The following NFIB variants were observed in gnomAD, a reference collection of about 807,000 sequenced individuals.
NFIB encodes nuclear factor I B.
In NFIB, 11 loss-of-function variants were observed where a neutral mutation model predicts 61.5. The observed-to-expected ratio is 0.18, with a 90% CI of 0.11 to 0.30. The LOEUF is 0.30. NFIB is among the 10% of genes least tolerant of loss of function. The pLI, the probability that NFIB is intolerant of heterozygous loss-of-function variation, is 1.00. For missense variants in NFIB, 471 were observed against 608.9 expected (o/e 0.77, Z 2.38); for synonymous variants, 260 against 216.5 (o/e 1.20, Z -1.76).
At chr9:14,116,962 C>G (rs559002374) in intron 8 of NFIB, among the ~76,000 whole-genome samples, 1 of 152,282 alleles carries the variant, frequency 6.6e-6, no homozygotes, top group East Asian at 1.9e-4. Context: ...ATTCCGAGAT[C>G]TATGGTCAAC....
At chr9:14,341,149 A>T (rs1395988394) in intron 1 of NFIB, among the ~76,000 whole-genome samples, 1 of 152,176 alleles carries the variant, frequency 6.6e-6, no homozygotes, top group African/African-American at 2.4e-5. Context: ...AGAATCTGCT[A>T]GTCTTCTGGC....
At chr9:14,331,888 A>G (rs1294895189) in intron 1 of NFIB, among the ~76,000 whole-genome samples, 2 of 152,200 alleles carry the variant, frequency 1.3e-5, no homozygotes, top group South Asian at 2.1e-4. Context: ...CTGAATCTAT[A>G]TATCGATTAT....
chr9:14,381,576 T>C (rs1588398949), intron 1 of NFIB, among the ~76,000 whole-genome samples: 1 of 152,360 alleles, frequency 6.6e-6, no homozygotes, highest in African/African-American at 2.4e-5. Flanking sequence ...AAGGAAGTCA[T>C]AGACATACAT....
intron 2 of NFIB, among the ~76,000 whole-genome samples, chr9:14,279,744 A>G (rs1035718044): frequency 3.3e-5 from 5 of 152,158 alleles, no homozygotes; most frequent in African/African-American, 1.2e-4. Flanking sequence ...CTTATTATGA[A>G]CTGGTTGAAG....
chr9:14,180,436 G>A (rs1201142581), intron 2 of NFIB, among the ~76,000 whole-genome samples: 1 of 152,214 alleles, frequency 6.6e-6, no homozygotes, highest in Non-Finnish European at 1.5e-5. Flanking sequence ...CAGATGGACA[G>A]ACTTTGCAGG....
chr9:14,328,475 A>T (rs987997719), intron 1 of NFIB, among the ~76,000 whole-genome samples: 12 of 151,956 alleles, frequency 7.9e-5, no homozygotes, highest in Non-Finnish European at 1.3e-4. Flanking sequence ...ATATATATAT[A>T]TTTTAACCAT....
intron 1 of NFIB, among the ~76,000 whole-genome samples, chr9:14,321,234 C>A (rs1226533588): frequency 6.6e-6 from 1 of 151,592 alleles, no homozygotes; most frequent in East Asian, 1.9e-4. Context: ...GATAGAGACA[C>A]ACATAGGAAG....
intron 2 of NFIB, among the ~76,000 whole-genome samples, chr9:14,253,226 C>A (rs1262880524): frequency 6.6e-6 from 1 of 152,158 alleles, no homozygotes; most frequent in Non-Finnish European, 1.5e-5. Flanking sequence ...TTATTTCCTT[C>A]TCAGATGCAT....
the NFIB span, among the ~76,000 whole-genome samples, chr9:14,460,253 C>T: frequency 6.6e-6 from 1 of 151,838 alleles, no homozygotes; most frequent in Non-Finnish European, 1.5e-5. Flanking sequence ...TGATTCTCAG[C>T]AAACTATAGC....
At chr9:14,138,015 A>T (rs990500359) in intron 6 of NFIB, among the ~76,000 whole-genome samples, 12 of 152,110 alleles carry the variant, frequency 7.9e-5, no homozygotes, top group African/African-American at 2.7e-4. Flanking sequence ...TATCTCAATG[A>T]CTTATTTGGG....
At position 14,261,316 on chromosome 9, in the gene NFIB, C is replaced by A. The variant is rs12002734; in HGVS notation, c.562+45673G>T. ...TGGGCAATAGAGCAGGACTCCGTCT[C>A]AAAAAAAAAGACTGAAAAGGCAAAC... On this transcript the variant is annotated intron_variant, in intron 2 of 10. Coordinates refer to ENST00000380953, the MANE Select transcript of NFIB (RefSeq NM_001190737.2). 7.1e-3 allele frequency among the ~76,000 whole-genome samples: 1,058 copies of A among 149,012 alleles called. 14 individuals carry two copies. Among genetic ancestry groups the A allele is most frequent in the African/African-American group, 0.024 (976 of 40,556 alleles).
intron 6 of NFIB, among the ~76,000 whole-genome samples, chr9:14,144,575 G>A (rs546685010): frequency 3.9e-5 from 6 of 152,198 alleles, no homozygotes; most frequent in South Asian, 4.1e-4. Context: ...CTCCTACTAC[G>A]CACCAAGTGT....
chr9:14,528,431 A>C, the NFIB span, among the ~76,000 whole-genome samples: 1 of 152,178 alleles, frequency 6.6e-6, no homozygotes, highest in African/African-American at 2.4e-5. Flanking sequence ...GGTGTTCAAC[A>C]AAGAATAACC....
At chr9:14,234,174 C>G (rs1434424068) in intron 2 of NFIB, among the ~76,000 whole-genome samples, 5 of 152,128 alleles carry the variant, frequency 3.3e-5, no homozygotes, top group Non-Finnish European at 1.5e-5. Context: ...GAGGATTACT[C>G]TCTAGATTGG....
rs566416401 is a variant in NFIB at position 14,105,351 on chromosome 9, G to T, written c.1467+7648C>A. 2.6e-5 allele frequency among the ~76,000 whole-genome samples: 4 copies of T among 152,182 alleles called. No homozygotes were observed. The East Asian group carries it at 5.8e-4, about 22-fold the overall frequency. Reference sequence around the variant, plus strand: ...CAATAATTTAATGCCAAATAAATTGGCAATATATTAATTAGCATTGAATTT... The same window carrying T: ...CAATAATTTAATGCCAAATAAATTGTCAATATATTAATTAGCATTGAATTT... On this transcript the variant is annotated intron_variant, in intron 10 of 10. Coordinates refer to ENST00000380953, the MANE Select transcript of NFIB (RefSeq NM_001190737.2).
chr9:14,399,146 A>G (rs1229507779), upstream of NFIB, among the ~76,000 whole-genome samples: 1 of 152,258 alleles, frequency 6.6e-6, no homozygotes, highest in Admixed American at 6.5e-5. Context: ...ATCACATGTT[A>G]AAATAATATT....
chr9:14,305,559 G>A (rs1220332566), intron 2 of NFIB, among the ~76,000 whole-genome samples: 1 of 152,000 alleles, frequency 6.6e-6, no homozygotes, highest in Non-Finnish European at 1.5e-5. Flanking sequence ...TAAATGCATG[G>A]AAATATTAAA....
In NFIB at chr9:14,214,635, G is replaced by A. The variant is rs1397430492; in HGVS notation, c.563-34855C>T. 3.3e-5 allele frequency among the ~76,000 whole-genome samples: 5 copies of A among 152,160 alleles called. No homozygotes were observed. In the East Asian group the frequency reaches 9.6e-4, roughly 29 times the overall value. On this transcript the variant is annotated intron_variant, in intron 2 of 10. Transcript: ENST00000380953. ...ATCATGCTTTTTACATAACTACCAG[G>A]AAACTTTTTAAACACATGATGCTAA...
At chr9:14,217,278 T>C (rs1222664835) in intron 2 of NFIB, among the ~76,000 whole-genome samples, 1 of 152,218 alleles carries the variant, frequency 6.6e-6, no homozygotes, top group Non-Finnish European at 1.5e-5. Context: ...TAGATCTTCT[T>C]ATAAATTATT....
Sources: allele counts gnomAD v4.1 joint callset (sites outside exome capture counted in the v4.1 genomes callset), GRCh38; gene constraint gnomAD v4.1.1; transcripts MANE v1.5; gene names NCBI Gene and HGNC (gene_info 2026-07-23, HGNC 2026-07-21).